The following DCLK2 variants were observed in gnomAD, a reference collection of about 807,000 sequenced individuals.
DCLK2 encodes serine/threonine-protein kinase DCLK2.
DCLK2 carries 31 observed loss-of-function variants against 78.4 expected under a neutral mutation model. The ratio of observed to expected loss-of-function variants is 0.40; its 90% CI spans 0.30 to 0.53. DCLK2 has a LOEUF of 0.53. DCLK2 is among the 20% of genes least tolerant of loss of function. The pLI is 0.61. For synonymous variants in DCLK2, 407 were observed against 374.9 expected (o/e 1.09, Z -0.99); for missense variants, 872 against 973.7 (o/e 0.90, Z 1.39).
chr4:150,241,372 G>T (rs1425299340), intron 12 of DCLK2, among the ~76,000 whole-genome samples: 1 of 152,140 alleles, frequency 6.6e-6, no homozygotes, highest in Non-Finnish European at 1.5e-5. Flanking sequence ...TGAGTGAGGG[G>T]CTTCAGCCAC....
intron 6 of DCLK2, among the ~76,000 whole-genome samples, chr4:150,221,032 T>C (rs1354420207): frequency 6.6e-6 from 1 of 152,264 alleles, no homozygotes; most frequent in Non-Finnish European, 1.5e-5. Flanking sequence ...TGTGGTGATC[T>C]GATCACAACT....
At chr4:150,202,038 G>A (rs1739493624) in intron 4 of DCLK2, among the ~76,000 whole-genome samples, 1 of 152,082 alleles carries the variant, frequency 6.6e-6, no homozygotes, top group African/African-American at 2.4e-5. Context: ...TTAGAGTGCT[G>A]CATTTGTTAC....
At chr4:150,194,022 G>GACAC (rs58179559) in intron 3 of DCLK2, among the ~76,000 whole-genome samples, 4,575 of 133,728 alleles carry the variant, frequency 0.034, 134 homozygotes, top group South Asian at 0.08. Flanking sequence ...AAAGTGCTGG[G>GACAC]ACACACACAC....
intron 2 of DCLK2, among the ~76,000 whole-genome samples, chr4:150,169,717 T>C (rs1237411569): frequency 2.0e-5 from 3 of 151,484 alleles, no homozygotes; most frequent in Non-Finnish European, 4.4e-5. Context: ...GCACACAGCA[T>C]TTATGGATAG....
Position 150,079,052 on chromosome 4 carries a change from C to T in DCLK2, c.25C>T (p.Leu9=), listed in dbSNP as rs756566830. ...GATGGCCAGCACCAGGAGTATCGAGCTGGAGCACTTTGAGGAACGGGACAA... is the reference window on the plus strand; with the variant it reads ...GATGGCCAGCACCAGGAGTATCGAGTTGGAGCACTTTGAGGAACGGGACAA... MASTRSIE[L]EHFEERDKRP... The change falls in exon 1 of 16, where the codon CTG becomes TTG. Residue 9 remains leucine, a synonymous_variant. Coordinates refer to ENST00000296550, the MANE Select transcript of DCLK2 (RefSeq NM_001040260.4). 1.3e-6 allele frequency: 2 copies of T among 1,552,048 alleles called. No individual in the cohort carries two copies. Among genetic ancestry groups the T allele is most frequent in the Non-Finnish European group, 1.7e-6 (2 of 1,153,992 alleles).
chr4:150,213,100 C>T (rs1173788582), intron 5 of DCLK2, among the ~76,000 whole-genome samples: 1 of 152,204 alleles, frequency 6.6e-6, no homozygotes, highest in African/African-American at 2.4e-5. Context: ...ACTCGAAAGG[C>T]TTACTCAGAG....
At chr4:150,107,378 G>GGTTTTTTTTTTTTTTTTTTT (rs535824608) in intron 2 of DCLK2, among the ~76,000 whole-genome samples, 1 of 125,180 alleles carries the variant, frequency 8.0e-6, no homozygotes, top group Non-Finnish European at 1.6e-5. Context: ...TTTGGTTATT[G>GGTTTTTTTTTTTTTTTTTTT]TTTTTTTTTT....
intron 5 of DCLK2, among the ~76,000 whole-genome samples, chr4:150,211,574 G>T (rs984817548): frequency 6.6e-6 from 1 of 152,098 alleles, no homozygotes; most frequent in African/African-American, 2.4e-5. Context: ...GGCTGGTCTG[G>T]CTTCCTCATC....
At chr4:150,105,522 T>C (rs1220775396) in intron 2 of DCLK2, among the ~76,000 whole-genome samples, 3 of 152,088 alleles carry the variant, frequency 2.0e-5, no homozygotes, top group South Asian at 4.1e-4. Flanking sequence ...CAAATGGTGA[T>C]GGAAGTGTAA....
chr4:150,164,521 G>A (rs975444575), intron 2 of DCLK2, among the ~76,000 whole-genome samples: 17 of 152,166 alleles, frequency 1.1e-4, no homozygotes, highest in African/African-American at 3.4e-4. Context: ...TTTAAGGGTC[G>A]GATGTGGTGG....
At chr4:150,255,520 A>G (rs935144822) in intron 15 of DCLK2, among the ~76,000 whole-genome samples, 1 of 152,224 alleles carries the variant, frequency 6.6e-6, no homozygotes, top group Non-Finnish European at 1.5e-5. Flanking sequence ...AAAAAGAGTA[A>G]TGTGGCTCCA....
chr4:150,177,301 CT>C (rs199522048), intron 2 of DCLK2, among the ~76,000 whole-genome samples: 1 of 151,806 alleles, frequency 6.6e-6, no homozygotes, highest in African/African-American at 2.4e-5. Context: ...TTTTAAAATG[CT>C]TTTTTTTCCG....
chr4:150,159,321 CA>C (rs1735538053), intron 2 of DCLK2, among the ~76,000 whole-genome samples: 1 of 152,228 alleles, frequency 6.6e-6, no homozygotes. Context: ...TGCACATACA[CA>C]CACCACTTTA....
At position 150,079,095 on chromosome 4, in the gene DCLK2, C is replaced by T. The variant is rs748108035; in HGVS notation, c.68C>T (p.Ser23Leu). 1.4e-5 allele frequency: 22 copies of T among 1,565,038 alleles called. No individual in the cohort carries two copies. In the Admixed American group the frequency reaches 3.8e-4, roughly 27 times the overall value. The change falls in exon 1 of 16, where the codon TCG (serine) becomes TTG (leucine). Residue 23 changes from serine to leucine, a missense_variant. Ser to Leu is a moderately radical substitution (Grantham distance 145). Transcript: ENST00000296550. ...CGGGACAAAAGGCCGCGGCCGGGGT[C>T]GCGGAGAGGGGCCCCCAGCTCCTCC... The part of the protein sequence containing the change: ...EERDKRPRPG[S>L]RRGAPSSSGG...
intron 2 of DCLK2, among the ~76,000 whole-genome samples, chr4:150,186,612 T>C (rs1470338084): frequency 6.6e-6 from 1 of 152,242 alleles, no homozygotes; most frequent in Non-Finnish European, 1.5e-5. Flanking sequence ...AATGAATGAA[T>C]GTGCAGTAGT....
At chr4:150,244,276 C>T (rs114373051) in intron 12 of DCLK2, among the ~76,000 whole-genome samples, 1,607 of 152,130 alleles carry the variant, frequency 0.011, 24 homozygotes, top group African/African-American at 0.036. Flanking sequence ...TCATCATTAC[C>T]GAGAAGTAGA....
At chr4:150,184,222 G>A (rs1156737612) in intron 2 of DCLK2, among the ~76,000 whole-genome samples, 1 of 152,184 alleles carries the variant, frequency 6.6e-6, no homozygotes, top group Non-Finnish European at 1.5e-5. Flanking sequence ...GTGAGTTAGA[G>A]TATTGAGGAA....
chr4:150,242,939 A>G (rs957497324), intron 12 of DCLK2, among the ~76,000 whole-genome samples: 2 of 151,050 alleles, frequency 1.3e-5, no homozygotes, highest in Non-Finnish European at 3.0e-5. Flanking sequence ...AGGGGAATGC[A>G]TCTTGATGAC....
At chr4:150,192,770 G>A (rs1738561528) in intron 2 of DCLK2, among the ~76,000 whole-genome samples, 2 of 152,112 alleles carry the variant, frequency 1.3e-5, no homozygotes, top group South Asian at 4.1e-4. Flanking sequence ...GTTAGGAGAG[G>A]GAAGAAGGGC....
Sources: gnomAD v4.1 joint callset for allele counts (sites outside exome capture counted in the v4.1 genomes callset) on GRCh38, gnomAD v4.1.1 for gene constraint, MANE v1.5 for transcripts, NCBI Gene and HGNC (gene_info 2026-07-23, HGNC 2026-07-21) for gene names.